GRID2: variants seen among roughly 807,000 people sequenced by gnomAD.
GRID2 encodes glutamate receptor ionotropic, delta-2.
GRID2 carries 33 observed loss-of-function variants against 114.8 expected under a neutral mutation model. That is an observed-to-expected ratio of 0.29 (90% CI 0.22 to 0.38). The LOEUF (loss-of-function observed/expected upper bound fraction) is 0.38. GRID2 is among the 10% of genes least tolerant of loss of function. GRID2 has a pLI of 1.00. For missense variants in GRID2, 1,184 were observed against 1,257.7 expected, an observed-to-expected ratio of 0.94 and a Z score of 0.89; for synonymous variants, 505 against 449.9, an observed-to-expected ratio of 1.12 and a Z score of -1.55.
chr4:92,794,439 T>C (rs1302099508), intron 2 of GRID2, among the ~76,000 whole-genome samples: 1 of 151,864 alleles, frequency 6.6e-6, no homozygotes, highest in Admixed American at 6.6e-5. Context: ...AAAAATTGTA[T>C]GGCAAAATAC....
chr4:92,585,719 T>C (rs1728402884), intron 1 of GRID2, among the ~76,000 whole-genome samples: 1 of 151,914 alleles, frequency 6.6e-6, no homozygotes, highest in Non-Finnish European at 1.5e-5. Flanking sequence ...TAATTTTTTC[T>C]CTACTATCTT....
At chr4:92,411,673 A>ATG (rs1369933028) in intron 1 of GRID2, among the ~76,000 whole-genome samples, 1 of 139,572 alleles carries the variant, frequency 7.2e-6, no homozygotes, top group Non-Finnish European at 1.5e-5. Flanking sequence ...ATATATATAT[A>ATG]TATATGAAAT....
intron 9 of GRID2, among the ~76,000 whole-genome samples, chr4:93,396,918 C>T (rs1159478051): frequency 6.6e-6 from 1 of 151,866 alleles, no homozygotes; most frequent in African/African-American, 2.4e-5. Context: ...CGTAATAGTC[C>T]ATAGTTAGTA....
intron 13 of GRID2, among the ~76,000 whole-genome samples, chr4:93,606,472 A>G (rs1466157736): frequency 6.6e-6 from 1 of 152,238 alleles, no homozygotes; most frequent in African/African-American, 2.4e-5. Flanking sequence ...TTATAAAAGT[A>G]GAAATGTCTC....
intron 1 of GRID2, among the ~76,000 whole-genome samples, chr4:92,367,769 G>C (rs1222498626): frequency 6.6e-6 from 1 of 152,064 alleles, no homozygotes; most frequent in Admixed American, 6.6e-5. Context: ...AGGCCAGAAG[G>C]GGGCAGGTGA....
intron 2 of GRID2, among the ~76,000 whole-genome samples, chr4:93,019,815 G>A (rs11945434): frequency 1.3e-5 from 2 of 151,970 alleles, no homozygotes; most frequent in African/African-American, 4.8e-5. Context: ...ATATTAAAGG[G>A]TAACACATTG....
At chr4:92,996,704 T>C (rs1755220975) in intron 2 of GRID2, among the ~76,000 whole-genome samples, 1 of 152,190 alleles carries the variant, frequency 6.6e-6, no homozygotes, top group South Asian at 2.1e-4. Flanking sequence ...CTCTGAGATA[T>C]TTTCAAGGTC....
chr4:92,420,479 A>T (rs999923758), intron 1 of GRID2, among the ~76,000 whole-genome samples: 1 of 152,156 alleles, frequency 6.6e-6, no homozygotes, highest in Non-Finnish European at 1.5e-5. Context: ...AATAAAAGGG[A>T]GAGCACATGC....
At chr4:92,927,828 T>C (rs1333627780) in intron 2 of GRID2, among the ~76,000 whole-genome samples, 2 of 151,770 alleles carry the variant, frequency 1.3e-5, no homozygotes, top group Non-Finnish European at 2.9e-5. Flanking sequence ...TGAGGATTAA[T>C]TGAAAAATCT....
intron 2 of GRID2, among the ~76,000 whole-genome samples, chr4:93,038,220 T>C (rs1560817600): frequency 1.3e-5 from 2 of 152,140 alleles, no homozygotes; most frequent in Admixed American, 6.5e-5. Flanking sequence ...CTTTGTAGCA[T>C]TTGTGAATGA....
At chr4:93,085,835 A>C (rs9992752) in intron 3 of GRID2, among the ~76,000 whole-genome samples, 166 of 152,282 alleles carry the variant, frequency 1.1e-3, no homozygotes, top group African/African-American at 3.8e-3. Flanking sequence ...GAAGTCTCAC[A>C]AAAGTACTAA....
chr4:92,903,325 AG>A (rs1747716142), intron 2 of GRID2, among the ~76,000 whole-genome samples: 1 of 151,906 alleles, frequency 6.6e-6, no homozygotes, highest in Non-Finnish European at 1.5e-5. Flanking sequence ...GTGGGTTCTT[AG>A]GTTTTTATAA....
chr4:93,659,311 A>G lies in GRID2; in HGVS notation c.2360+32876A>G, dbSNP rs1366256682. On this transcript the variant is annotated intron_variant, in intron 14 of 15. Transcript: ENST00000282020. ...GGAGGTCTCACACTTATGGGTGCAT[A>G]TGGACCAGATGAATACTGCTTGTTT... is the stretch of plus-strand genomic sequence containing the variant. 3.3e-5 allele frequency among the ~76,000 whole-genome samples: 5 copies of G among 152,206 alleles called. No homozygotes were observed. In the East Asian group the frequency reaches 9.6e-4, roughly 29 times the overall value.
intron 13 of GRID2, among the ~76,000 whole-genome samples, chr4:93,535,637 C>T (rs1025617742): frequency 1.3e-5 from 2 of 152,020 alleles, no homozygotes; most frequent in African/African-American, 4.8e-5. Flanking sequence ...ATTTGCATTT[C>T]CCTATTGATT....
intron 15 of GRID2, among the ~76,000 whole-genome samples, chr4:93,770,974 C>T (rs1172266748): frequency 6.6e-6 from 1 of 151,986 alleles, no homozygotes; most frequent in Admixed American, 6.6e-5. Flanking sequence ...CAGTGATGCA[C>T]ATCAAAATAT....
At chr4:93,656,154 C>T (rs1307254566) in intron 14 of GRID2, among the ~76,000 whole-genome samples, 1 of 151,348 alleles carries the variant, frequency 6.6e-6, no homozygotes, top group African/African-American at 2.4e-5. Context: ...ATAATTGATT[C>T]TAGGAGTCAA....
At chr4:93,072,041 A>G (rs768557296) in intron 2 of GRID2, among the ~76,000 whole-genome samples, 1 of 152,166 alleles carries the variant, frequency 6.6e-6, no homozygotes, top group Non-Finnish European at 1.5e-5. Context: ...AGACTGACAC[A>G]TAAAGGTAAT....
intron 2 of GRID2, among the ~76,000 whole-genome samples, chr4:93,003,530 A>G (rs189444947): frequency 6.6e-6 from 1 of 152,036 alleles, no homozygotes. Flanking sequence ...ATATGGGAAT[A>G]ATTTACATAC....
At chr4:92,651,631 C>G (rs1731938873) in intron 2 of GRID2, among the ~76,000 whole-genome samples, 1 of 152,084 alleles carries the variant, frequency 6.6e-6, no homozygotes, top group African/African-American at 2.4e-5. Flanking sequence ...TTCTTTGTCA[C>G]CAATTTTCCA....
Sources: gnomAD v4.1 joint callset for allele counts (sites outside exome capture counted in the v4.1 genomes callset) on GRCh38, gnomAD v4.1.1 for gene constraint, MANE v1.5 for transcripts, NCBI Gene and HGNC (gene_info 2026-07-23, HGNC 2026-07-21) for gene names.